The following PREX2 variants were observed in gnomAD, a reference collection of about 807,000 sequenced individuals.
The protein encoded by PREX2 is phosphatidylinositol-3,4,5-trisphosphate dependent Rac exchange factor 2.
PREX2 carries 107 observed loss-of-function variants against 203.2 expected under a neutral mutation model. That is an observed-to-expected ratio of 0.53 (90% CI 0.45 to 0.62). PREX2 has a LOEUF of 0.62. Ranked by LOEUF, PREX2 falls within the 20% of genes least tolerant of loss-of-function variation. The pLI is 0.00. For synonymous variants in PREX2, 672 were observed against 663.6 expected (o/e 1.01, Z -0.19); for missense variants, 1,777 against 1,955.9 (o/e 0.91, Z 1.72).
chr8:68,055,497 G>T (rs934960807), intron 9 of PREX2, among the ~76,000 whole-genome samples: 2 of 151,878 alleles, frequency 1.3e-5, no homozygotes, highest in African/African-American at 2.4e-5. Flanking sequence ...GGGCTACTCT[G>T]TCCAGTTCTG....
intron 1 of PREX2, among the ~76,000 whole-genome samples, chr8:67,959,103 T>C (rs1285859124): frequency 6.6e-6 from 1 of 152,068 alleles, no homozygotes; most frequent in Non-Finnish European, 1.5e-5. Flanking sequence ...GAGTCAATGT[T>C]TAAAGGATAG....
chr8:68,224,682 G>A (rs900493651), intron 39 of PREX2, 56 bp downstream of exon 39: 2 of 1,325,806 alleles, frequency 1.5e-6, no homozygotes. Flanking sequence ...ATTTTCCCCG[G>A]CAGTGTCCCT....
At chr8:68,121,508 C>T (rs1810773137) in intron 30 of PREX2, among the ~76,000 whole-genome samples, 1 of 152,002 alleles carries the variant, frequency 6.6e-6, no homozygotes, top group Non-Finnish European at 1.5e-5. Flanking sequence ...AAGTTGATTG[C>T]TATTAACTAC....
intron 14 of PREX2, among the ~76,000 whole-genome samples, 164 bp from the exon 15 acceptor site, chr8:68,077,233 A>ACTGAATGT (rs1424148213): frequency 6.6e-6 from 1 of 152,240 alleles, no homozygotes; most frequent in Non-Finnish European, 1.5e-5. Context: ...TTCATAATCA[A>ACTGAATGT]CTGAATGTTT....
rs75365937 is a variant in PREX2 at position 67,968,299 on chromosome 8, C to T, written c.141+15764C>T. ...CTTTCTCCTTAGCATCCTGGAACGT[C>T]GGCTCTTGACTAAATTGTTAATAGA... On this transcript the variant is annotated intron_variant, in intron 1 of 39. Transcript: ENST00000288368. Among the ~76,000 whole-genome samples the T allele has an allele frequency of 9.5e-3, 1,451 of 152,188 alleles. 2 individuals are homozygous for T. The highest frequency in any genetic ancestry group is 0.034 in the Middle Eastern group (10 of 294).
intron 1 of PREX2, among the ~76,000 whole-genome samples, chr8:67,985,121 CT>C (rs1378066196): frequency 3.3e-5 from 5 of 152,108 alleles, no homozygotes; most frequent in South Asian, 4.2e-4. Context: ...GAGAAAAACG[CT>C]TTTGGATGTT....
chr8:68,054,898 C>T (rs993862779), intron 9 of PREX2, among the ~76,000 whole-genome samples: 15 of 152,190 alleles, frequency 9.9e-5, no homozygotes, highest in East Asian at 5.8e-4. Context: ...ATCAGAGGCC[C>T]GGAAGGCATC....
In PREX2 at chr8:68,235,696, A is replaced by G. The variant is rs10504423; in HGVS notation, c.*4318A>G. On this transcript the variant is annotated 3_prime_UTR_variant, in exon 40 of 40. Coordinates refer to ENST00000288368, the MANE Select transcript of PREX2 (RefSeq NM_024870.4). ...GGCCCCAGGATATTCCATTGAACAA[A>G]TATTGACCATTATCTTCCTAGGTGC... 16,064 of 152,142 alleles carry G rather than the reference A, an allele frequency of 0.11. 1,690 individuals are homozygous for G. Among genetic ancestry groups the G allele is most frequent in the East Asian group, 0.45 (2,342 of 5,162 alleles). The allele number at this position is 152,142 out of a possible 1,614,324, so 9.4% of individuals were successfully genotyped here.
At chr8:68,183,898 T>C (rs891735072) in intron 35 of PREX2, among the ~76,000 whole-genome samples, 2 of 152,140 alleles carry the variant, frequency 1.3e-5, no homozygotes, top group African/African-American at 4.8e-5. Flanking sequence ...TCTTGTCTTG[T>C]TAATATTCTA....
At chr8:67,998,806 C>G (rs6472370) in intron 1 of PREX2, among the ~76,000 whole-genome samples, 1 of 152,204 alleles carries the variant, frequency 6.6e-6, no homozygotes, top group South Asian at 2.1e-4. Context: ...TTAAAATTCC[C>G]GAAAACTTTA....
intron 30 of PREX2, among the ~76,000 whole-genome samples, chr8:68,126,861 A>ATG (rs1293651472): frequency 6.6e-6 from 1 of 151,618 alleles, no homozygotes. Flanking sequence ...ACACACACGT[A>ATG]TGTGTGTGTG....
At chr8:68,227,862 G>A (rs12549980) in intron 39 of PREX2, among the ~76,000 whole-genome samples, 39,857 of 152,068 alleles carry the variant, frequency 0.26, 5,882 homozygotes, top group South Asian at 0.46. Flanking sequence ...CTGCTCTGGG[G>A]AGGGATGTTT....
intron 1 of PREX2, among the ~76,000 whole-genome samples, chr8:67,990,448 G>T (rs1284022454): frequency 6.7e-6 from 1 of 149,546 alleles, no homozygotes; most frequent in East Asian, 2.0e-4. Flanking sequence ...ACATGGTCTT[G>T]GATAGGGCCT....
intron 14 of PREX2, among the ~76,000 whole-genome samples, chr8:68,073,427 A>G (rs1363632621): frequency 6.6e-6 from 1 of 151,992 alleles, no homozygotes; most frequent in African/African-American, 2.4e-5. Context: ...CAAGTAGATA[A>G]TAGTTGATAG....
Position 68,133,995 on chromosome 8 carries a change from A to G in PREX2, c.3767-64A>G. 2.6e-5 allele frequency: 33 copies of G among 1,260,488 alleles called. 2 individuals carry two copies. The South Asian group carries it at 3.7e-4, about 14-fold the overall frequency. 78.1% of individuals were successfully genotyped at this position (1,260,488 alleles called of 1,614,324 possible). On this transcript the variant is annotated intron_variant, in intron 31 of 39. Transcript: ENST00000288368. ...AAATGCTAGTGAATGTAGATGCTGA[A>G]CGCATTGGTTTTCACCATCTGCAAC...
At chr8:68,152,251 A>C (rs1416944932) in intron 34 of PREX2, among the ~76,000 whole-genome samples, 2 of 132,756 alleles carry the variant, frequency 1.5e-5, no homozygotes, top group East Asian at 5.1e-4. Flanking sequence ...ACGCCACTGC[A>C]CTCCAGCCTG....
intron 1 of PREX2, among the ~76,000 whole-genome samples, chr8:67,993,044 G>A (rs1806653211): frequency 6.6e-6 from 1 of 152,134 alleles, no homozygotes; most frequent in Non-Finnish European, 1.5e-5. Flanking sequence ...CTTGGCTTAC[G>A]TTTGTAAGCA....
At chr8:68,127,355 T>A in intron 30 of PREX2, 23 bp from the exon 31 acceptor site, 1 of 1,570,780 alleles carries the variant, frequency 6.4e-7, no homozygotes, top group Non-Finnish European at 8.7e-7. Context: ...AACAATTAAC[T>A]GATGTGTTTT....
chr8:68,088,197 A>G (rs1238555478), intron 19 of PREX2, among the ~76,000 whole-genome samples: 2 of 152,184 alleles, frequency 1.3e-5, no homozygotes, highest in African/African-American at 4.8e-5. Flanking sequence ...ACCTATTGCT[A>G]TATACTTCCT....
Sources: gnomAD v4.1 joint callset for allele counts (sites outside exome capture counted in the v4.1 genomes callset) on GRCh38, gnomAD v4.1.1 for gene constraint, MANE v1.5 for transcripts, NCBI Gene and HGNC (gene_info 2026-07-23, HGNC 2026-07-21) for gene names.